Variants in RABGAP1L observed in about 807,000 individuals in gnomAD.
RABGAP1L encodes RAB GTPase activating protein 1 like, also known as rab GTPase-activating protein 1-like.
A neutral mutation model predicts 137.7 loss-of-function variants in RABGAP1L; 63 were observed. The ratio of observed to expected loss-of-function variants is 0.46; its 90% CI spans 0.37 to 0.56. The LOEUF (loss-of-function observed/expected upper bound fraction) is 0.56. Ranked by LOEUF, RABGAP1L falls within the 20% of genes least tolerant of loss-of-function variation. RABGAP1L has a pLI of 0.00. For missense variants in RABGAP1L, 1,095 were observed against 1,244.0 expected (o/e 0.88, Z 1.80); for synonymous variants, 431 against 433.7 (o/e 0.99, Z 0.08).
At chr1:174,209,324 G>T (rs1181517740) in intron 1 of RABGAP1L, among the ~76,000 whole-genome samples, 1 of 152,140 alleles carries the variant, frequency 6.6e-6, no homozygotes, top group Non-Finnish European at 1.5e-5. Flanking sequence ...TTGGCTCTTA[G>T]ATGGTATTTC....
intron 7 of RABGAP1L, among the ~76,000 whole-genome samples, chr1:174,260,894 T>C (rs937496135): frequency 6.6e-6 from 1 of 150,446 alleles, no homozygotes. Context: ...TAGTGCTCTG[T>C]CTAGTTGATT....
At chr1:174,877,535 A>C (rs1653340112) in intron 19 of RABGAP1L, 1 of 1,614,034 alleles carries the variant, frequency 6.2e-7, no homozygotes, top group South Asian at 1.1e-5. Flanking sequence ...TATGACGCCC[A>C]TGTTTTCAGC....
At chr1:174,281,701 C>T (rs1016769902) in intron 10 of RABGAP1L, among the ~76,000 whole-genome samples, 4 of 152,192 alleles carry the variant, frequency 2.6e-5, no homozygotes, top group East Asian at 1.9e-4. Context: ...TTGGAGTCCA[C>T]GTTCAGAGTT....
At chr1:174,844,127 C>T (rs952796809) in intron 19 of RABGAP1L, among the ~76,000 whole-genome samples, 5 of 150,226 alleles carry the variant, frequency 3.3e-5, no homozygotes, top group African/African-American at 9.8e-5. Context: ...GATATTAGCC[C>T]TTTGTCAGAT....
At chr1:174,568,980 A>G (rs1167160103) in intron 13 of RABGAP1L, among the ~76,000 whole-genome samples, 3 of 152,186 alleles carry the variant, frequency 2.0e-5, no homozygotes, top group Non-Finnish European at 4.4e-5. Flanking sequence ...TAACCTCTCT[A>G]TGTTGATTAC....
rs530867270 is a variant in RABGAP1L at position 174,579,727 on chromosome 1, G to A, written c.1711-57648G>A. Among the ~76,000 whole-genome samples the A allele has an allele frequency of 4.6e-5, 7 of 152,228 alleles. No homozygotes were observed. The East Asian group carries it at 1.4e-3, about 29-fold the overall frequency. ...AAGAGCTAAGACTGTGATGCTCTTC[G>A]AAGAACACAAAGGGGTAAATCTTCA... is the stretch of plus-strand genomic sequence containing the variant. On this transcript the variant is annotated intron_variant, in intron 13 of 25. Coordinates refer to ENST00000681986, the MANE Select transcript of RABGAP1L (RefSeq NM_001366446.1).
Position 174,937,958 on chromosome 1 carries a change from G to A in RABGAP1L, c.2341-19499G>A, listed in dbSNP as rs866022481. Among the ~76,000 whole-genome samples the A allele has an allele frequency of 5.9e-4, 89 of 151,378 alleles. 1 individual carries two copies. Among genetic ancestry groups the A allele is most frequent in the Non-Finnish European group, 2.4e-4 (16 of 67,870 alleles). On this transcript the variant is annotated intron_variant, in intron 19 of 25. Coordinates refer to ENST00000681986, the MANE Select transcript of RABGAP1L (RefSeq NM_001366446.1). The stretch of plus-strand genomic sequence containing the variant: ...AAACTCCTGACCTCGTGATCTGCCC[G>A]CCTCAGCCTCCCAAAGTGCTAGGAT...
At chr1:174,588,592 G>T (rs1572416707) in intron 13 of RABGAP1L, among the ~76,000 whole-genome samples, 1 of 152,032 alleles carries the variant, frequency 6.6e-6, no homozygotes, top group African/African-American at 2.4e-5. Context: ...TCTCCACTTT[G>T]CCCCCACTAC....
At chr1:174,792,904 G>A (rs528638982) in intron 18 of RABGAP1L, among the ~76,000 whole-genome samples, 190 of 152,262 alleles carry the variant, frequency 1.2e-3, no homozygotes, top group Non-Finnish European at 2.1e-3. Flanking sequence ...AAGCCAAGGC[G>A]GGTGGATCAT....
At chr1:174,234,761 G>A (rs1341898984) in intron 4 of RABGAP1L, among the ~76,000 whole-genome samples, 3 of 149,606 alleles carry the variant, frequency 2.0e-5, no homozygotes, top group Non-Finnish European at 4.4e-5. Context: ...CTCTTTTTTG[G>A]TTCCATATGA....
At chr1:174,632,384 T>A (rs1188990341) in intron 13 of RABGAP1L, among the ~76,000 whole-genome samples, 4 of 147,482 alleles carry the variant, frequency 2.7e-5, no homozygotes, top group Non-Finnish European at 4.5e-5. Flanking sequence ...GAGTTGCTCT[T>A]CTCGAGGAGT....
intron 15 of RABGAP1L, among the ~76,000 whole-genome samples, chr1:174,685,944 C>T (rs1347230412): frequency 6.6e-6 from 1 of 152,150 alleles, no homozygotes; most frequent in Non-Finnish European, 1.5e-5. Flanking sequence ...CAGCCAGTTG[C>T]ATACTGGAGA....
rs1054048633 is a variant in RABGAP1L at position 174,695,278 on chromosome 1, G to A, written c.1900-4247G>A. On this transcript the variant is annotated intron_variant, in intron 15 of 25. Coordinates refer to ENST00000681986, the MANE Select transcript of RABGAP1L (RefSeq NM_001366446.1). ...TGAGGCTATTTTCTAGATCTTGCAG[G>A]CATGCCTAATGTCTTTTTATTCTTT... 3.3e-5 allele frequency among the ~76,000 whole-genome samples: 5 copies of A among 151,920 alleles called. No individual in the cohort carries two copies. In the South Asian group the frequency reaches 1.0e-3, roughly 32 times the overall value.
chr1:174,679,674 A>C (rs1488236214), intron 14 of RABGAP1L, among the ~76,000 whole-genome samples: 2 of 152,244 alleles, frequency 1.3e-5, no homozygotes, highest in Non-Finnish European at 2.9e-5. Context: ...ATGCATGTAG[A>C]AAATCCTAAG....
chr1:174,661,319 G>C (rs1676354345), intron 14 of RABGAP1L, among the ~76,000 whole-genome samples: 1 of 152,076 alleles, frequency 6.6e-6, no homozygotes, highest in Admixed American at 6.5e-5. Flanking sequence ...AGAACTTTTA[G>C]AAAATGATCT....
At chr1:174,348,446 T>G (rs1270013308) in intron 11 of RABGAP1L, among the ~76,000 whole-genome samples, 2 of 150,048 alleles carry the variant, frequency 1.3e-5, no homozygotes, top group East Asian at 3.9e-4. Context: ...TATTTTTTAT[T>G]TATTTATTTA....
At chr1:174,818,828 G>C (rs1690703530) in intron 19 of RABGAP1L, among the ~76,000 whole-genome samples, 2 of 151,564 alleles carry the variant, frequency 1.3e-5, no homozygotes, top group South Asian at 4.2e-4. Context: ...GGGCAACATG[G>C]TGAAACCCCG....
At chr1:174,957,670 G>T in intron 20 of RABGAP1L, 121 bp downstream of exon 20, 2 of 946,862 alleles carry the variant, frequency 2.1e-6, no homozygotes, top group South Asian at 2.8e-5. Context: ...TCCCACTCCA[G>T]TCTCCCAAGT....
intron 19 of RABGAP1L, among the ~76,000 whole-genome samples, chr1:174,885,421 G>A (rs1385265575): frequency 6.6e-6 from 1 of 152,146 alleles, no homozygotes; most frequent in Non-Finnish European, 1.5e-5. Flanking sequence ...ATGAGACAAG[G>A]TCTGTCGCTC....
Sources: allele counts gnomAD v4.1 joint callset (sites outside exome capture counted in the v4.1 genomes callset), GRCh38; gene constraint gnomAD v4.1.1; transcripts MANE v1.5; gene names NCBI Gene and HGNC (gene_info 2026-07-23, HGNC 2026-07-21).